ZFP90: variants seen among roughly 807,000 people sequenced by gnomAD.
ZFP90 encodes ZFP90 zinc finger protein.
In ZFP90, 38 loss-of-function variants were observed where a neutral mutation model predicts 60.8. The ratio of observed to expected loss-of-function variants is 0.62; its 90% CI spans 0.48 to 0.82. ZFP90 has a LOEUF of 0.82. ZFP90 is among the 40% of genes least tolerant of loss of function. The pLI, the probability that ZFP90 is intolerant of heterozygous loss-of-function variation, is 0.00. For synonymous variants in ZFP90, 287 were observed against 264.8 expected (o/e 1.08, Z -0.82); for missense variants, 711 against 759.1 (o/e 0.94, Z 0.74).
chr16:68,567,881 T>TGA (rs1286376719), downstream of ZFP90, among the ~76,000 whole-genome samples: 1 of 152,218 alleles, frequency 6.6e-6, no homozygotes, highest in African/African-American at 2.4e-5. Flanking sequence ...TTGATGGTGG[T>TGA]GATGCTTGGT....
Position 68,541,114 on chromosome 16 carries a change from C to T in ZFP90, c.33+1289C>T, listed in dbSNP as rs534993144. ...GTAGTGGCATGATCTCGGCTCACTG[C>T]AACCTCCACCTCCTGGGTTCAAGTG... On this transcript the variant is annotated intron_variant, in intron 2 of 4. Transcript: ENST00000563169. 3.3e-5 allele frequency among the ~76,000 whole-genome samples: 5 copies of T among 152,064 alleles called. No individual in the cohort carries two copies. The East Asian group carries it at 9.7e-4, about 29-fold the overall frequency.
rs767074326 is a variant in ZFP90 at position 68,539,788 on chromosome 16, C to G, written c.-5C>G. On this transcript the variant is annotated 5_prime_UTR_variant, in exon 2 of 5. Coordinates refer to ENST00000563169, the MANE Select transcript of ZFP90 (RefSeq NM_001305203.2). ...GCCCCGGAGCCGGGCCCTGGCGAGG[C>G]AGGAATGGCCCCGAGGCCTCCGACC... is the stretch of plus-strand genomic sequence containing the variant. The G allele has an allele frequency of 7.5e-6, 12 of 1,598,842 alleles. No homozygotes were observed. In the South Asian group the frequency reaches 1.1e-4, roughly 15 times the overall value.
chr16:68,574,028 C>T (rs1485635719), intron 2 of ZFP90: 1 of 151,936 alleles, frequency 6.6e-6, no homozygotes, highest in Admixed American at 6.6e-5. Flanking sequence ...AGTCATTCTC[C>T]TCCTGTGGCT....
downstream of ZFP90, among the ~76,000 whole-genome samples, chr16:68,571,068 C>CA (rs2152078527): frequency 6.6e-6 from 1 of 152,254 alleles, no homozygotes; most frequent in African/African-American, 2.4e-5. Context: ...TAGATCTTCA[C>CA]ACCACACCCC....
rs373535343 is a variant in ZFP90, at chr16:68,548,352, A to G, written c.33+8527A>G. Among the ~76,000 whole-genome samples, 3 of 151,944 alleles carry G rather than the reference A, an allele frequency of 2.0e-5. No homozygotes were observed. In the East Asian group the frequency reaches 5.8e-4, roughly 29 times the overall value. On this transcript the variant is annotated intron_variant, in intron 2 of 4. Transcript: ENST00000563169. ...AACAATTTTCTCTATTTCCTCCTCA[A>G]TTATAAAGGTTTCTGCTTTTTTGTG...
downstream of ZFP90, among the ~76,000 whole-genome samples, chr16:68,571,335 CTT>C (rs1379321186): frequency 6.6e-6 from 1 of 152,110 alleles, no homozygotes; most frequent in Non-Finnish European, 1.5e-5. Flanking sequence ...CCAAACTAGT[CTT>C]TATTAAACTC....
chr16:68,562,899 C>G, intron 4 of ZFP90, 145 bp from the exon 5 acceptor site: 1 of 1,527,112 alleles, frequency 6.5e-7, no homozygotes, highest in East Asian at 2.4e-5. Context: ...TTTTCCTTTT[C>G]TCCATTTTGG....
upstream of ZFP90, among the ~76,000 whole-genome samples, chr16:68,537,714 CACT>C (rs1473066926): frequency 1.3e-5 from 2 of 151,968 alleles, no homozygotes; most frequent in East Asian, 3.9e-4. Context: ...CACAGGCGCA[CACT>C]ATTGCAACCA....
chr16:68,572,569 T>G (rs904654275), intron 2 of ZFP90, among the ~76,000 whole-genome samples: 1 of 152,132 alleles, frequency 6.6e-6, no homozygotes, highest in African/African-American at 2.4e-5. Context: ...CCTATAGATA[T>G]AAAAACCATG....
intron 1 of ZFP90, 119 bp downstream of exon 1, chr16:68,539,598 C>T: frequency 1.7e-6 from 1 of 595,792 alleles, no homozygotes; most frequent in Non-Finnish European, 2.8e-6. Flanking sequence ...GCCGCTGAGC[C>T]TTTCATTTCG....
Position 68,566,702 on chromosome 16 carries a change from T to A in ZFP90, c.*2004T>A, listed in dbSNP as rs2091533686. On this transcript the variant is annotated 3_prime_UTR_variant, in exon 5 of 5. Transcript: ENST00000563169. ...TGCTTCTATTATCTGATACATAGTT[T>A]GACAATGGGTAATTCTACTCAGACC... 2 of 985,582 alleles carry A rather than the reference T, an allele frequency of 2.0e-6. No individual in the cohort carries two copies. The highest frequency in any genetic ancestry group is 3.5e-5 in the African/African-American group (2 of 57,360). 61.1% of individuals were successfully genotyped at this position (985,582 alleles called of 1,614,324 possible).
At chr16:68,545,802 G>T (rs1382620540) in intron 2 of ZFP90, among the ~76,000 whole-genome samples, 5 of 152,142 alleles carry the variant, frequency 3.3e-5, no homozygotes, top group Admixed American at 3.3e-4. Flanking sequence ...GTGACTGAGC[G>T]AGACTCCGTC....
intron 2 of ZFP90, among the ~76,000 whole-genome samples, chr16:68,554,321 C>T (rs752999010): frequency 1.4e-4 from 21 of 151,762 alleles, no homozygotes; most frequent in African/African-American, 4.1e-4. Context: ...GGTTTCATTC[C>T]GCTTTCCCAA....
rs10538200 is a variant in ZFP90, at chr16:68,551,415, CTTTTTTTTTTTTT to C, written c.34-6572_34-6560del. On this transcript the variant is annotated intron_variant, in intron 2 of 4. Coordinates refer to ENST00000563169, the MANE Select transcript of ZFP90 (RefSeq NM_001305203.2). ...GCATAAGGAAAGGGAACATGTGATC[CTTTTTTTTTTTTT>C]TTTTTTTTTTGGAGACGGAATCTTG... Among the ~76,000 whole-genome samples the C allele has an allele frequency of 3.4e-3, 421 of 123,034 alleles. 19 individuals are homozygous for C. In the East Asian group the frequency reaches 0.084, roughly 24 times the overall value. The allele number at this position is 123,034 out of a possible 152,430, so 80.7% of individuals were successfully genotyped here.
chr16:68,574,688 C>T (rs2091584647), intron 2 of ZFP90, among the ~76,000 whole-genome samples: 1 of 151,992 alleles, frequency 6.6e-6, no homozygotes, highest in African/African-American at 2.4e-5. Flanking sequence ...TTTTGGGAGG[C>T]TGAGTCAGGC....
exon 2 of ZFP90, chr16:68,533,712 G>A (rs1234318073): frequency 6.6e-6 from 1 of 151,660 alleles, no homozygotes; most frequent in East Asian, 1.9e-4. Context: ...TTGCTCTGTT[G>A]CCCAGGCCGG....
At chr16:68,574,504 T>A (rs1008341842) in intron 2 of ZFP90, among the ~76,000 whole-genome samples, 1 of 151,466 alleles carries the variant, frequency 6.6e-6, no homozygotes, top group Non-Finnish European at 1.5e-5. Flanking sequence ...AAAAAAAAAT[T>A]ATTCCCAAAA....
At chr16:68,562,916 T>C in intron 4 of ZFP90, 128 bp from the exon 5 acceptor site, 1 of 1,541,504 alleles carries the variant, frequency 6.5e-7, no homozygotes, top group Non-Finnish European at 8.7e-7. Context: ...TTGGGTCGTC[T>C]TCTCAGGATA....
intron 2 of ZFP90, among the ~76,000 whole-genome samples, chr16:68,550,800 C>G (rs202154895): frequency 2.3e-3 from 347 of 152,282 alleles, no homozygotes; most frequent in Non-Finnish European, 3.9e-3. Flanking sequence ...GGGAGGATTT[C>G]AGCTGGATTT....
Sources: gnomAD v4.1 joint callset for allele counts (sites outside exome capture counted in the v4.1 genomes callset) on GRCh38, gnomAD v4.1.1 for gene constraint, MANE v1.5 for transcripts, NCBI Gene and HGNC (gene_info 2026-07-23, HGNC 2026-07-21) for gene names.